RNF144B: variants seen among roughly 807,000 people sequenced by gnomAD.
RNF144B encodes the protein E3 ubiquitin-protein ligase RNF144B.
RNF144B carries 25 observed loss-of-function variants against 40.2 expected under a neutral mutation model. The observed-to-expected ratio is 0.62, with a 90% confidence interval of 0.45 to 0.87. RNF144B has a LOEUF of 0.87. Among genes scored for constraint, RNF144B ranks in the 40% least tolerant of loss-of-function variants. The probability of loss-of-function intolerance (pLI) is 0.00; values close to 1 mark genes in which losing one functional copy is unlikely to be tolerated. For missense variants in RNF144B, 365 were observed against 373.7 expected (o/e 0.98, Z 0.19); for synonymous variants, 145 against 136.3 (o/e 1.06, Z -0.44).
intron 1 of RNF144B, among the ~76,000 whole-genome samples, chr6:18,394,005 G>A (rs1794639276): frequency 6.6e-6 from 1 of 152,162 alleles, no homozygotes; most frequent in African/African-American, 2.4e-5. Context: ...CCTCAGTGCA[G>A]ATCAACTGGA....
At chr6:18,451,743 A>C (rs924584541) in intron 4 of RNF144B, among the ~76,000 whole-genome samples, 1 of 152,248 alleles carries the variant, frequency 6.6e-6, no homozygotes, top group African/African-American at 2.4e-5. Context: ...AGTGAATGTG[A>C]ATTGCTCATC....
intron 2 of RNF144B, among the ~76,000 whole-genome samples, chr6:18,411,383 A>T (rs553991213): frequency 1.3e-5 from 2 of 149,078 alleles, no homozygotes; most frequent in South Asian, 4.2e-4. Flanking sequence ...TATTACATTG[A>T]AGATAATTTT....
chr6:18,396,224 A>G, intron 1 of RNF144B: 1 of 309,062 alleles, frequency 3.2e-6, no homozygotes, highest in Non-Finnish European at 4.7e-6. Flanking sequence ...TTTTAGTTCT[A>G]CCTTCAAAAG....
rs1582414718 is a variant in RNF144B at position 18,418,262 on chromosome 6, A to G, written c.166-9319A>G. On this transcript the variant is annotated intron_variant, in intron 2 of 7. Coordinates refer to ENST00000259939, the MANE Select transcript of RNF144B (RefSeq NM_182757.4). This position sits in a 1 kb window ranked among gnomAD's most constrained non-coding sequence, Gnocchi z 5.2. Reference sequence around the variant, plus strand: ...CCAAGAGAAACGAAAATGTATGTCCACATGAAAACTTGCTCATAGCAGCAT... The same window carrying G: ...CCAAGAGAAACGAAAATGTATGTCCGCATGAAAACTTGCTCATAGCAGCAT... Among the ~76,000 whole-genome samples the G allele has an allele frequency of 2.0e-5, 3 of 152,356 alleles. No individual in the cohort carries two copies. The South Asian group carries it at 6.2e-4, about 32-fold the overall frequency.
At chr6:18,390,610 C>T (rs1053785448) in intron 1 of RNF144B, among the ~76,000 whole-genome samples, 1 of 152,172 alleles carries the variant, frequency 6.6e-6, no homozygotes, top group African/African-American at 2.4e-5. Context: ...AGCCATGTCC[C>T]ATTGTTTTCT....
rs1472488719 is a variant in RNF144B, at chr6:18,410,226, C to G, written c.165+10527C>G. Among the ~76,000 whole-genome samples the G allele has an allele frequency of 6.6e-6, 1 of 152,128 alleles. No homozygotes were observed. The highest frequency in any genetic ancestry group is 1.5e-5 in the Non-Finnish European group (1 of 68,030). ...TTCTTTTGAAGTTGCACCCTTATTC[C>G]AATATTCTCTAAGTCTATTCCCACC... On this transcript the variant is annotated intron_variant, in intron 2 of 7. Transcript: ENST00000259939. The surrounding 1 kb of genome is among the most constrained non-coding windows in gnomAD (Gnocchi z 4.6).
intron 2 of RNF144B, 130 bp from the exon 3 acceptor site, chr6:18,427,451 A>G (rs1758582525): frequency 3.4e-6 from 2 of 580,290 alleles, no homozygotes; most frequent in South Asian, 2.4e-5. Flanking sequence ...ACTTGTGATA[A>G]CTTATGTTTC....
rs1795065464 is a variant in RNF144B at position 18,412,354 on chromosome 6, A to G, written c.165+12655A>G. 6.6e-6 allele frequency among the ~76,000 whole-genome samples: 1 copy of G among 152,198 alleles called. No individual in the cohort carries two copies. Among genetic ancestry groups the G allele is most frequent in the African/African-American group, 2.4e-5 (1 of 41,450 alleles). On this transcript the variant is annotated intron_variant, in intron 2 of 7. Transcript: ENST00000259939. The surrounding 1 kb of genome is among the most constrained non-coding windows in gnomAD (Gnocchi z 4.2). Reference sequence around the variant, plus strand: ...TTTTTAGGAGGAAGCAAATTGTTGTAAGAGAAGCTCATCTCATGAATCTAT... The same window carrying G: ...TTTTTAGGAGGAAGCAAATTGTTGTGAGAGAAGCTCATCTCATGAATCTAT...
intron 3 of RNF144B, among the ~76,000 whole-genome samples, chr6:18,430,810 T>C (rs529616047): frequency 1.3e-5 from 2 of 152,150 alleles, no homozygotes; most frequent in Non-Finnish European, 2.9e-5. Context: ...CTCTTTGTAT[T>C]TCCCCCCTCC....
At chr6:18,389,673 G>A (rs997892712) in intron 1 of RNF144B, among the ~76,000 whole-genome samples, 2 of 152,150 alleles carry the variant, frequency 1.3e-5, no homozygotes, top group Non-Finnish European at 2.9e-5. Flanking sequence ...GCTGAACCCA[G>A]ATGTTACTGA....
At chr6:18,399,017 T>C (rs1370173995) in intron 1 of RNF144B, among the ~76,000 whole-genome samples, 2 of 152,242 alleles carry the variant, frequency 1.3e-5, no homozygotes, top group Admixed American at 1.3e-4. Flanking sequence ...GATGTTTTGC[T>C]CTATGTATAT....
At chr6:18,424,744 T>C (rs1403586963) in intron 2 of RNF144B, among the ~76,000 whole-genome samples, 1 of 150,782 alleles carries the variant, frequency 6.6e-6, no homozygotes, top group Non-Finnish European at 1.5e-5. Context: ...CTTTAGTTCC[T>C]ATTTAATGCT....
chr6:18,407,285 C>T (rs974961381), intron 2 of RNF144B, among the ~76,000 whole-genome samples: 2 of 152,104 alleles, frequency 1.3e-5, no homozygotes. Flanking sequence ...ACTTAGAAGG[C>T]AAACGTAATA....
At chr6:18,403,045 G>A (rs34997053) in intron 2 of RNF144B, among the ~76,000 whole-genome samples, 10,319 of 152,230 alleles carry the variant, frequency 0.068, 443 homozygotes, top group Middle Eastern at 0.12. Context: ...CTATTTTGAA[G>A]GTTAAATATC....
rs976780689 is a variant in RNF144B at position 18,443,461 on chromosome 6, AT to A, written c.331+3718del. Among the ~76,000 whole-genome samples the A allele has an allele frequency of 2.6e-5, 4 of 152,040 alleles. No homozygotes were observed. The highest frequency in any genetic ancestry group is 9.7e-5 in the African/African-American group (4 of 41,388). On this transcript the variant is annotated intron_variant, in intron 4 of 7. Transcript: ENST00000259939. This position sits in a 1 kb window ranked among gnomAD's most constrained non-coding sequence, Gnocchi z 4.7. ...ATTTTAGTAGAGATGGGGTTTCGAC[AT>A]GTTGGTCAGGCTGGTCTCGAAGTCC...
chr6:18,411,677 T>C (rs149617091), intron 2 of RNF144B, among the ~76,000 whole-genome samples: 1 of 151,332 alleles, frequency 6.6e-6, no homozygotes, highest in Non-Finnish European at 1.5e-5. Flanking sequence ...CTAATTTTTG[T>C]ATTTTTAGTA....
Position 18,434,159 on chromosome 6 carries a change from C to T in RNF144B, c.271-5525C>T, listed in dbSNP as rs981932523. Among the ~76,000 whole-genome samples, 19 of 152,230 alleles carry T rather than the reference C, an allele frequency of 1.2e-4. No homozygotes were observed. Among genetic ancestry groups the T allele is most frequent in the African/African-American group, 4.1e-4 (17 of 41,530 alleles). On this transcript the variant is annotated intron_variant, in intron 3 of 7. Coordinates refer to ENST00000259939, the MANE Select transcript of RNF144B (RefSeq NM_182757.4). The surrounding 1 kb of genome is among the most constrained non-coding windows in gnomAD (Gnocchi z 4.1). ...GCTTTTTCCTTCTGTTTGGGCTTTC[C>T]GGACTCTGATGGGTAGCAGTTCTCT...
chr6:18,405,020 C>G lies in RNF144B; in HGVS notation c.165+5321C>G, dbSNP rs1011547256. ...ACCTTTCCCAAAGCTTTCAAATTCT[C>G]CAGCTCCAGATTCCCACGTCTTCTA... is the stretch of plus-strand genomic sequence containing the variant. On this transcript the variant is annotated intron_variant, in intron 2 of 7. Coordinates refer to ENST00000259939, the MANE Select transcript of RNF144B (RefSeq NM_182757.4). This position sits in a 1 kb window ranked among gnomAD's most constrained non-coding sequence, Gnocchi z 4.5. Among the ~76,000 whole-genome samples, 4 of 152,090 alleles carry G rather than the reference C, an allele frequency of 2.6e-5. No individual in the cohort carries two copies. Among genetic ancestry groups the G allele is most frequent in the Non-Finnish European group, 5.9e-5 (4 of 68,004 alleles).
chr6:18,423,180 A>G (rs1423245003), intron 2 of RNF144B, among the ~76,000 whole-genome samples: 5 of 151,974 alleles, frequency 3.3e-5, no homozygotes, highest in Non-Finnish European at 7.4e-5. Context: ...GGGACTCTCC[A>G]TTTTCCCTGA....
Sources: allele counts gnomAD v4.1 joint callset (sites outside exome capture counted in the v4.1 genomes callset), GRCh38; gene constraint gnomAD v4.1.1; non-coding constraint Gnocchi (gnomAD v3.1); transcripts MANE v1.5; gene names NCBI Gene and HGNC (gene_info 2026-07-23, HGNC 2026-07-21).